Variants in CYFIP1 observed in about 807,000 individuals in gnomAD.
CYFIP1 encodes the protein cytoplasmic FMR1 interacting protein 1.
CYFIP1 carries 58 observed loss-of-function variants against 163.5 expected under a neutral mutation model. That is an observed-to-expected ratio of 0.35 (90% confidence interval 0.29 to 0.44). The LOEUF is 0.44. Among genes scored for constraint, CYFIP1 ranks in the 20% least tolerant of loss-of-function variants. CYFIP1 has a pLI of 1.00. For synonymous variants in CYFIP1, 663 were observed against 660.7 expected, an observed-to-expected ratio of 1.00 and a Z score of -0.05; for missense variants, 1,338 against 1,653.8, an observed-to-expected ratio of 0.81 and a Z score of 3.31.
chr15:22,895,419 G>A (rs528589235), intron 22 of CYFIP1, among the ~76,000 whole-genome samples: 10 of 152,260 alleles, frequency 6.6e-5, no homozygotes, highest in South Asian at 6.2e-4. Flanking sequence ...CCAAAGTGCC[G>A]GTATTACAGG....
At position 22,939,292 on chromosome 15, in the gene CYFIP1, G is replaced by A; in HGVS notation, c.695C>T (p.Ser232Phe). 1.2e-6 allele frequency: 2 copies of A among 1,614,170 alleles called. No homozygotes were observed. Among genetic ancestry groups the A allele is most frequent in the Non-Finnish European group, 1.7e-6 (2 of 1,180,028 alleles). The change falls in exon 8 of 31, where the codon TCT (serine) becomes TTT (phenylalanine). Residue 232 changes from serine (S) to phenylalanine (F), a missense_variant. This residue lies in a region of CYFIP1 where 824 missense variants were observed against 995.7 expected (regional missense o/e 0.83). Coordinates refer to ENST00000617928, the MANE Select transcript of CYFIP1 (RefSeq NM_014608.6). Reference protein sequence around the residue: ...QSLQQQLEVISGYEELLADIV... With the variant: ...QSLQQQLEVIFGYEELLADIV... ...ATCTGCCAGGAGCTCTTCGTAGCCA[G>A]AAATCACTTCGAGCTGCTGCTGCAG...
chr15:22,910,709 G>T, intron 19 of CYFIP1, 28 bp downstream of exon 19: 1 of 1,608,378 alleles, frequency 6.2e-7, no homozygotes, highest in African/African-American at 1.3e-5. Flanking sequence ...GAAACGTTTT[G>T]TATCAAAATC....
At chr15:22,965,750 G>A (rs1335450046) in intron 1 of CYFIP1, among the ~76,000 whole-genome samples, 4 of 152,118 alleles carry the variant, frequency 2.6e-5, no homozygotes, top group African/African-American at 9.7e-5. Context: ...CCCTAGTAGC[G>A]GACACACCAG....
At chr15:22,976,967 A>G (rs1567056916) in intron 1 of CYFIP1, among the ~76,000 whole-genome samples, 1 of 152,164 alleles carries the variant, frequency 6.6e-6, no homozygotes, top group African/African-American at 2.4e-5. Context: ...TGGGAGGCCG[A>G]GGCAGGCGGA....
chr15:22,901,328 G>A lies in CYFIP1; in HGVS notation c.2588+2378C>T, dbSNP rs146248085. Among the ~76,000 whole-genome samples the A allele has an allele frequency of 2.2e-4, 34 of 152,296 alleles. 1 individual carries two copies. Among genetic ancestry groups the A allele is most frequent in the African/African-American group, 7.9e-4 (33 of 41,558 alleles). On this transcript the variant is annotated intron_variant, in intron 22 of 30. Coordinates refer to ENST00000617928, the MANE Select transcript of CYFIP1 (RefSeq NM_014608.6). Reference sequence around the variant, plus strand: ...GACCGGGACAAATTTTAATGAGGGAGTTTGTTTACATCATCTCAAATTATC... The same window carrying A: ...GACCGGGACAAATTTTAATGAGGGAATTTGTTTACATCATCTCAAATTATC...
chr15:22,919,896 C>G (rs1021700950), intron 13 of CYFIP1, among the ~76,000 whole-genome samples: 1 of 151,878 alleles, frequency 6.6e-6, no homozygotes, highest in Middle Eastern at 3.4e-3. Flanking sequence ...GTGGCATGAG[C>G]CTATAGTCCC....
chr15:22,975,210 G>A (rs1241152501), intron 1 of CYFIP1, among the ~76,000 whole-genome samples: 4 of 152,072 alleles, frequency 2.6e-5, no homozygotes, highest in South Asian at 2.1e-4. Context: ...CAGGCTATTC[G>A]TAGTTTTAAC....
At chr15:22,874,485 C>G (rs2059527696) in intron 28 of CYFIP1, 65 bp downstream of exon 28, 1 of 1,325,160 alleles carries the variant, frequency 7.5e-7, no homozygotes. Flanking sequence ...GGCTCCCAAC[C>G]AGGCCACCTG....
intron 21 of CYFIP1, among the ~76,000 whole-genome samples, chr15:22,908,295 C>A (rs1210499634): frequency 6.6e-6 from 1 of 152,036 alleles, no homozygotes; most frequent in Non-Finnish European, 1.5e-5. Context: ...TCTGTAGGCT[C>A]CGTGAGACAG....
At chr15:22,889,056 A>C (rs2059999453) in intron 23 of CYFIP1, among the ~76,000 whole-genome samples, 2 of 151,408 alleles carry the variant, frequency 1.3e-5, no homozygotes, top group South Asian at 4.2e-4. Flanking sequence ...AAAAACACAC[A>C]AAAAAAACAA....
chr15:22,979,295 G>C (rs934498842), intron 1 of CYFIP1, among the ~76,000 whole-genome samples: 3 of 152,160 alleles, frequency 2.0e-5, no homozygotes, highest in African/African-American at 7.2e-5. Context: ...GCGGGTCCCG[G>C]CCTGGCCGGG....
intron 13 of CYFIP1, among the ~76,000 whole-genome samples, chr15:22,919,098 G>T: frequency 6.6e-6 from 1 of 152,222 alleles, no homozygotes; most frequent in East Asian, 1.9e-4. Flanking sequence ...CATCTGACTC[G>T]AAACACACAT....
intron 1 of CYFIP1, among the ~76,000 whole-genome samples, chr15:22,969,498 T>A (rs1567046803): frequency 6.6e-6 from 1 of 152,152 alleles, no homozygotes; most frequent in African/African-American, 2.4e-5. Context: ...CACAAAAAAA[T>A]TCATACAAAT....
rs576642946 is a variant in CYFIP1 at position 22,976,480 on chromosome 15, T to A, written c.-7+3807A>T. Reference sequence around the variant, plus strand: ...CAAATTTAACTTTCTAATTGTACATTGCTAGTACAGTAGTCCCCACTTACC... The same window carrying A: ...CAAATTTAACTTTCTAATTGTACATAGCTAGTACAGTAGTCCCCACTTACC... On this transcript the variant is annotated intron_variant, in intron 1 of 30. Coordinates refer to ENST00000617928, the MANE Select transcript of CYFIP1 (RefSeq NM_014608.6). Among the ~76,000 whole-genome samples the A allele has an allele frequency of 6.1e-5, 9 of 148,546 alleles. No individual in the cohort carries two copies. In the South Asian group the frequency reaches 1.7e-3, roughly 28 times the overall value.
chr15:22,977,126 G>A (rs527799951), intron 1 of CYFIP1, among the ~76,000 whole-genome samples: 1 of 152,018 alleles, frequency 6.6e-6, no homozygotes, highest in African/African-American at 2.4e-5. Flanking sequence ...TTGAACCCGG[G>A]AGGCAGAGGT....
At chr15:22,928,761 A>C (rs932219897) in intron 11 of CYFIP1, among the ~76,000 whole-genome samples, 1 of 152,218 alleles carries the variant, frequency 6.6e-6, no homozygotes, top group South Asian at 2.1e-4. Flanking sequence ...TTAGAACCAC[A>C]CAAATATTTT....
At chr15:22,965,441 G>A (rs547999174) in intron 1 of CYFIP1, among the ~76,000 whole-genome samples, 3 of 152,298 alleles carry the variant, frequency 2.0e-5, no homozygotes, top group South Asian at 2.1e-4. Context: ...CTATGTTTAC[G>A]TAAACTTGGA....
Position 22,875,238 on chromosome 15 carries a change from CCGCGTG to C in CYFIP1, c.3070_3075del (p.His1024_Ala1025del). 6.2e-7 allele frequency: 1 copy of C among 1,614,032 alleles called. No homozygotes were observed. The stretch of plus-strand genomic sequence containing the variant: ...CGCGGCAAGATGTTCTGGAAAGGAG[CCGCGTG>C]CAGCAGGTCACACACTTCTTCTAAA... On this transcript the variant is annotated inframe_deletion, in exon 27 of 31. Coordinates refer to ENST00000617928, the MANE Select transcript of CYFIP1 (RefSeq NM_014608.6).
At chr15:22,926,701 G>A (rs755933114) in intron 12 of CYFIP1, among the ~76,000 whole-genome samples, 1 of 152,130 alleles carries the variant, frequency 6.6e-6, no homozygotes, top group South Asian at 2.1e-4. Context: ...TTGATGGCTG[G>A]AGCTCCAAAG....
Sources: gnomAD v4.1 joint callset for allele counts (sites outside exome capture counted in the v4.1 genomes callset) on GRCh38, gnomAD v4.1.1 for gene constraint, gnomAD v4.1.1 regional missense constraint, MANE v1.5 for transcripts, NCBI Gene and HGNC (gene_info 2026-07-23, HGNC 2026-07-21) for gene names.